The following ABCA13 variants were observed in gnomAD, a reference collection of about 807,000 sequenced individuals.
The protein encoded by ABCA13 is ATP binding cassette subfamily A member 13.
A neutral mutation model predicts 478.7 loss-of-function variants in ABCA13; 476 were observed. The ratio of observed to expected loss-of-function variants is 0.99; its 90% CI spans 0.92 to 1.07. ABCA13 has a LOEUF of 1.07. Ranked by LOEUF, ABCA13 falls within the 50% of genes least tolerant of loss-of-function variation. ABCA13 has a pLI of 0.00. For missense variants in ABCA13, 6,060 were observed against 5,910.6 expected (o/e 1.03, Z -0.83); for synonymous variants, 2,252 against 2,158.9 (o/e 1.04, Z -1.20).
chr7:48,535,598 C>T (rs575881756), intron 55 of ABCA13, among the ~76,000 whole-genome samples: 8 of 152,182 alleles, frequency 5.3e-5, no homozygotes, highest in Non-Finnish European at 7.4e-5. Context: ...TTATCTTCAG[C>T]TACCAGGGCA....
At chr7:48,303,125 A>C (rs1050315182) in intron 23 of ABCA13, among the ~76,000 whole-genome samples, 1 of 152,060 alleles carries the variant, frequency 6.6e-6, no homozygotes, top group African/African-American at 2.4e-5. Flanking sequence ...TGTTGGCTGC[A>C]TGTATGTTTT....
intron 3 of ABCA13, among the ~76,000 whole-genome samples, chr7:48,199,577 C>A (rs1798388736): frequency 2.0e-5 from 3 of 152,120 alleles, no homozygotes; most frequent in Admixed American, 1.3e-4. Context: ...ATGGGAGATG[C>A]CAACTTTCAG....
In ABCA13 at chr7:48,229,983, A is replaced by G. The variant is rs143409784; in HGVS notation, c.763+28A>G. On this transcript the variant is annotated intron_variant, in intron 7 of 61. Coordinates refer to ENST00000435803, the MANE Select transcript of ABCA13 (RefSeq NM_152701.5). The stretch of plus-strand genomic sequence containing the variant: ...ATGGGTGCCTTGTAGCTATTGCTAT[A>G]TTTCAAAACGTTTAACTACTTAAAT... The G allele has an allele frequency of 7.2e-5, 116 of 1,600,186 alleles. No individual in the cohort carries two copies. The African/African-American group carries it at 1.4e-3, about 20-fold the overall frequency.
chr7:48,177,909 G>A (rs550244565), intron 1 of ABCA13, among the ~76,000 whole-genome samples: 265 of 152,366 alleles, frequency 1.7e-3, no homozygotes, highest in Admixed American at 3.9e-3. Flanking sequence ...ACCCTGGGAG[G>A]AAACTGCCTC....
At chr7:48,490,207 A>G (rs1164594002) in intron 48 of ABCA13, among the ~76,000 whole-genome samples, 1 of 152,226 alleles carries the variant, frequency 6.6e-6, no homozygotes, top group East Asian at 1.9e-4. Flanking sequence ...TTAAAAATGT[A>G]CGTGACTAAG....
intron 1 of ABCA13, among the ~76,000 whole-genome samples, chr7:48,185,824 A>G (rs1796278136): frequency 6.6e-6 from 1 of 152,050 alleles, no homozygotes; most frequent in African/African-American, 2.4e-5. Context: ...CTGTAATAAA[A>G]TATTGTAATA....
At chr7:48,598,879 G>T (rs1790579785) in intron 58 of ABCA13, among the ~76,000 whole-genome samples, 1 of 151,822 alleles carries the variant, frequency 6.6e-6, no homozygotes, top group Admixed American at 6.6e-5. Context: ...ATGAGAAAAG[G>T]ATATAAATTC....
intron 3 of ABCA13, among the ~76,000 whole-genome samples, chr7:48,211,479 G>A (rs1785639848): frequency 6.6e-6 from 1 of 152,194 alleles, no homozygotes. Context: ...CTAATCAGAA[G>A]GAGTATCTTT....
At position 48,625,322 on chromosome 7, in the gene ABCA13, A is replaced by G. The variant is rs1335049390; in HGVS notation, c.14837+9945A>G. 2.0e-5 allele frequency among the ~76,000 whole-genome samples: 3 copies of G among 152,380 alleles called. No homozygotes were observed. The East Asian group carries it at 5.8e-4, about 29-fold the overall frequency. On this transcript the variant is annotated intron_variant, in intron 59 of 61. Coordinates refer to ENST00000435803, the MANE Select transcript of ABCA13 (RefSeq NM_152701.5). Reference sequence around the variant, plus strand: ...CATTTAAAAGTGAAATAGATAATTCAGTATGTTTATGTCACTTTCACAAAT... The same window carrying G: ...CATTTAAAAGTGAAATAGATAATTCGGTATGTTTATGTCACTTTCACAAAT...
In ABCA13 at chr7:48,314,292, A is replaced by G. The variant is rs751042898; in HGVS notation, c.9742A>G (p.Met3248Val). The G allele has an allele frequency of 5.6e-6, 9 of 1,613,810 alleles. No homozygotes were observed. Among genetic ancestry groups the G allele is most frequent in the Middle Eastern group, 3.3e-4 (2 of 6,062 alleles). Residue 3248 changes from methionine (M) to valine (V), a missense_variant, in exon 26 of 62, where the codon ATG becomes GTG. Physicochemically the swap from Met to Val is conservative, Grantham distance 21. This residue lies in a region of ABCA13 where 4,423 missense variants were observed against 4,309.1 expected (regional missense o/e 1.03). Coordinates refer to ENST00000435803, the MANE Select transcript of ABCA13 (RefSeq NM_152701.5). Reference protein sequence around the residue: ...AFGSFQFVMKMVCKDQASFLS... With the variant: ...AFGSFQFVMKVVCKDQASFLS... ...TGGTTCTTTCCAGTTTGTGATGAAG[A>G]TGGTTTGCAAGGACCAAGCATCATT... is the stretch of plus-strand genomic sequence containing the variant.
At chr7:48,407,746 T>G (rs62447261) in intron 39 of ABCA13, among the ~76,000 whole-genome samples, 1 of 151,666 alleles carries the variant, frequency 6.6e-6, no homozygotes, top group Non-Finnish European at 1.5e-5. Flanking sequence ...TTAGTAGAGA[T>G]GGGGTTTCTG....
At chr7:48,187,350 G>A (rs1042665954) in intron 1 of ABCA13, among the ~76,000 whole-genome samples, 17 of 149,524 alleles carry the variant, frequency 1.1e-4, no homozygotes, top group African/African-American at 2.0e-4. Context: ...TTTAATGGCC[G>A]TAGTTTAACT....
chr7:48,284,100 G>A (rs185369327), intron 19 of ABCA13, among the ~76,000 whole-genome samples: 14 of 152,290 alleles, frequency 9.2e-5, no homozygotes, highest in Non-Finnish European at 1.6e-4. Context: ...AGCTTAGAGG[G>A]CTAGTTCATA....
intron 59 of ABCA13, among the ~76,000 whole-genome samples, chr7:48,630,172 A>T (rs1387305033): frequency 6.6e-6 from 1 of 152,052 alleles, no homozygotes; most frequent in Non-Finnish European, 1.5e-5. Flanking sequence ...TTTTTAAAAA[A>T]TTTTAGTTTT....
intron 31 of ABCA13, among the ~76,000 whole-genome samples, chr7:48,364,078 C>G (rs1811301376): frequency 6.6e-6 from 1 of 151,998 alleles, no homozygotes; most frequent in Non-Finnish European, 1.5e-5. Context: ...ATATTCCTGT[C>G]CAGGTATCTG....
Position 48,646,024 on chromosome 7 carries a change from TTTA to T in ABCA13, c.*516_*518del, listed in dbSNP as rs1795415187. The T allele has an allele frequency of 6.5e-6, 1 of 153,872 alleles. No individual in the cohort carries two copies. Among genetic ancestry groups the T allele is most frequent in the African/African-American group, 2.4e-5 (1 of 41,468 alleles). The allele number at this position is 153,872 out of a possible 1,614,324, so 9.5% of individuals were successfully genotyped here. A position where few individuals can be genotyped will look rare whatever the true frequency, so the allele number is the denominator to read the frequency against. On this transcript the variant is annotated 3_prime_UTR_variant, in exon 62 of 62. Coordinates refer to ENST00000435803, the MANE Select transcript of ABCA13 (RefSeq NM_152701.5). ...GTTTTTAATGATTTTAATGTAAGCTTTTATTAATACTGATGACATTATATGGTA... is the reference window on the plus strand; with the variant it reads ...GTTTTTAATGATTTTAATGTAAGCTTTTAATACTGATGACATTATATGGTA...
chr7:48,575,829 T>G, intron 55 of ABCA13, among the ~76,000 whole-genome samples: 1 of 152,110 alleles, frequency 6.6e-6, no homozygotes, highest in East Asian at 1.9e-4. Flanking sequence ...CTTAGATCCC[T>G]CAGAGATTTG....
rs1326680856 is a variant in ABCA13, at chr7:48,350,633, C to T, written c.10205-10C>T. On this transcript the variant is annotated splice_polypyrimidine_tract_variant and intron_variant, in intron 29 of 61. Coordinates refer to ENST00000435803, the MANE Select transcript of ABCA13 (RefSeq NM_152701.5). Reference sequence around the variant, plus strand: ...AAGTTGATGTGTCCTAATCTGTTCACTTTCCTCAGGAGGGCTGCTGGATGA... The same window carrying T: ...AAGTTGATGTGTCCTAATCTGTTCATTTTCCTCAGGAGGGCTGCTGGATGA... The T allele has an allele frequency of 1.2e-6, 2 of 1,609,134 alleles. No individual in the cohort carries two copies. Among genetic ancestry groups the T allele is most frequent in the East Asian group, 2.2e-5 (1 of 44,800 alleles).
At chr7:48,389,270 C>G in intron 37 of ABCA13, 50 bp downstream of exon 37, 1 of 1,555,046 alleles carries the variant, frequency 6.4e-7, no homozygotes, top group Non-Finnish European at 8.7e-7. Context: ...ATTCTTAAAA[C>G]TTCAGTTTAC....
Sources: gnomAD v4.1 joint callset for allele counts (sites outside exome capture counted in the v4.1 genomes callset) on GRCh38, gnomAD v4.1.1 for gene constraint, gnomAD v4.1.1 regional missense constraint, MANE v1.5 for transcripts, NCBI Gene and HGNC (gene_info 2026-07-23, HGNC 2026-07-21) for gene names.